AGPAT3: variants seen among roughly 807,000 people sequenced by gnomAD.
AGPAT3 encodes the protein 1-acylglycerol-3-phosphate O-acyltransferase 3, also known as 1-acyl-sn-glycerol-3-phosphate acyltransferase gamma.
In AGPAT3, 5 loss-of-function variants were observed where a neutral mutation model predicts 47.3. The ratio of observed to expected loss-of-function variants is 0.11; its 90% CI spans 0.06 to 0.22. AGPAT3 has a LOEUF of 0.22. Ranked by LOEUF, AGPAT3 falls within the 10% of genes least tolerant of loss-of-function variation. The pLI is 1.00. For synonymous variants in AGPAT3, 212 were observed against 208.3 expected (o/e 1.02, Z -0.15); for missense variants, 315 against 493.0 (o/e 0.64, Z 3.42).
At chr21:43,967,713 G>A (rs920395454) in intron 3 of AGPAT3, 12 of 521,568 alleles carry the variant, frequency 2.3e-5, no homozygotes, top group Non-Finnish European at 4.1e-5. Context: ...TCTCCATGCA[G>A]AGTGGCGGTT....
chr21:43,886,324 GCTCACTGCAAC>G (rs1392264990), intron 1 of AGPAT3, among the ~76,000 whole-genome samples: 3 of 152,074 alleles, frequency 2.0e-5, no homozygotes, highest in Non-Finnish European at 4.4e-5. Flanking sequence ...CGTGGTCTCG[GCTCACTGCAAC>G]CTCTGCCTCC....
In AGPAT3 at chr21:43,904,773, C is replaced by G. The variant is rs144096655; in HGVS notation, c.-49+754C>G. On this transcript the variant is annotated intron_variant, in intron 2 of 9. Transcript: ENST00000291572. The stretch of plus-strand genomic sequence containing the variant: ...TGGCTGATGAGGCTGCAGGTCCCTT[C>G]TGGGTGGCCCTGGACCCTGTGTCCT... Among the ~76,000 whole-genome samples, 59 of 152,308 alleles carry G rather than the reference C, an allele frequency of 3.9e-4. 1 individual carries two copies. In the East Asian group the frequency reaches 0.011, roughly 28 times the overall value.
At position 43,922,150 on chromosome 21, in the gene AGPAT3, G is replaced by A. The variant is rs1025581220; in HGVS notation, c.-49+18131G>A. 1.3e-5 allele frequency among the ~76,000 whole-genome samples: 2 copies of A among 152,200 alleles called. No homozygotes were observed. Among genetic ancestry groups the A allele is most frequent in the Admixed American group, 1.3e-4 (2 of 15,282 alleles). ...GGGGACGGGGATGAGTCACCCGGGG[G>A]CCTTGGTGCATGTGGAGGCCCAGGC... On this transcript the variant is annotated intron_variant, in intron 2 of 9. Transcript: ENST00000291572. The surrounding 1 kb of genome is among the most constrained non-coding windows in gnomAD (Gnocchi z 4.9).
At chr21:43,905,442 C>T (rs2086470739) in intron 2 of AGPAT3, among the ~76,000 whole-genome samples, 1 of 152,098 alleles carries the variant, frequency 6.6e-6, no homozygotes, top group South Asian at 2.1e-4. Context: ...CCTGCCTCGG[C>T]CTCCCAAAGT....
At chr21:43,960,663 G>A in intron 3 of AGPAT3, 2 of 833,070 alleles carry the variant, frequency 2.4e-6, no homozygotes, top group Non-Finnish European at 2.9e-6. Flanking sequence ...CCAAGCACCT[G>A]TCACTGGAGA....
In AGPAT3 at chr21:43,974,623, GTGTT is replaced by G. The variant is rs375682933; in HGVS notation, c.767+3136_767+3139del. On this transcript the variant is annotated intron_variant, in intron 7 of 9. Coordinates refer to ENST00000291572, the MANE Select transcript of AGPAT3 (RefSeq NM_020132.5). ...TGTGTGGTGTGTGTGTATAAATTAT[GTGTT>G]TGATATGTGTGGTGTGGTGTGTATA... 1.3e-3 allele frequency among the ~76,000 whole-genome samples: 193 copies of G among 151,598 alleles called. 7 individuals are homozygous for G. The South Asian group carries it at 0.038, about 30-fold the overall frequency.
chr21:43,970,868 T>TA lies in AGPAT3; in HGVS notation c.664+76dup, dbSNP rs112823395. 0.18 allele frequency: 194,746 copies of TA among 1,101,118 alleles called. 3,146 individuals carry two copies. The highest frequency in any genetic ancestry group is 0.32 in the African/African-American group (19,424 of 60,728). The allele number at this position is 1,101,118 out of a possible 1,614,324, so 68.2% of individuals were successfully genotyped here. On this transcript the variant is annotated intron_variant, in intron 6 of 9. Transcript: ENST00000291572. The surrounding 1 kb of genome is among the most constrained non-coding windows in gnomAD (Gnocchi z 5.8). ...TGCTCACGGAAAATAGTGATTTCTT[T>TA]AAAAAAAAAAAAAATGAGTGCATTC...
At chr21:43,918,062 T>G (rs1371558773) in intron 2 of AGPAT3, among the ~76,000 whole-genome samples, 2 of 115,494 alleles carry the variant, frequency 1.7e-5, no homozygotes, top group African/African-American at 6.9e-5. Context: ...TTGTGGGTGT[T>G]GGGGTTGTGG....
At chr21:43,956,731 C>T (rs2088483746) in intron 2 of AGPAT3, among the ~76,000 whole-genome samples, 1 of 152,152 alleles carries the variant, frequency 6.6e-6, no homozygotes, top group African/African-American at 2.4e-5. Context: ...GAAGGTTTGA[C>T]CAGGGCCAGA....
intron 2 of AGPAT3, among the ~76,000 whole-genome samples, chr21:43,958,157 C>G (rs955710237): frequency 1.3e-5 from 2 of 152,152 alleles, no homozygotes; most frequent in African/African-American, 4.8e-5. Context: ...ATGCCTTCAC[C>G]ACAAGTTAAT....
intron 2 of AGPAT3, chr21:43,916,274 A>G (rs141369291): frequency 7.9e-5 from 12 of 152,172 alleles, no homozygotes; most frequent in African/African-American, 2.2e-4. Context: ...TGTTGTTTAT[A>G]TGTCTGACAG....
intron 2 of AGPAT3, among the ~76,000 whole-genome samples, chr21:43,958,441 G>T (rs571888476): frequency 6.6e-6 from 1 of 152,032 alleles, no homozygotes; most frequent in African/African-American, 2.4e-5. Flanking sequence ...GGTGTGTGTG[G>T]TTTGTGCTAC....
At chr21:43,935,967 A>G (rs2087431886) in intron 2 of AGPAT3, among the ~76,000 whole-genome samples, 2 of 152,344 alleles carry the variant, frequency 1.3e-5, no homozygotes, top group Non-Finnish European at 2.9e-5. Context: ...CGGAAGCCAG[A>G]GTGTAGAACA....
At chr21:43,967,716 T>C (rs2089198556) in intron 3 of AGPAT3, 1 of 519,392 alleles carries the variant, frequency 1.9e-6, no homozygotes, top group Non-Finnish European at 3.4e-6. Flanking sequence ...CCATGCAGAG[T>C]GGCGGTTCTC....
At chr21:43,959,026 GGTGT>G (rs1211161625) in intron 2 of AGPAT3, among the ~76,000 whole-genome samples, 1 of 121,490 alleles carries the variant, frequency 8.2e-6, no homozygotes, top group African/African-American at 3.4e-5. Flanking sequence ...TTTGCAGTGT[GGTGT>G]GTGTGGCATG....
intron 1 of AGPAT3, among the ~76,000 whole-genome samples, chr21:43,873,500 C>T (rs2085668140): frequency 6.6e-6 from 1 of 152,158 alleles, no homozygotes; most frequent in Non-Finnish European, 1.5e-5. Context: ...GCCTCAGCCT[C>T]CCGAGTAGCT....
At chr21:43,942,408 G>A (rs1181605653) in intron 2 of AGPAT3, among the ~76,000 whole-genome samples, 1 of 152,218 alleles carries the variant, frequency 6.6e-6, no homozygotes, top group African/African-American at 2.4e-5. Flanking sequence ...CCTTCACGAG[G>A]CGCTCCTGAA....
Position 43,964,594 on chromosome 21 carries a change from A to G in AGPAT3, c.179-3352A>G, listed in dbSNP as rs548633582. Among the ~76,000 whole-genome samples, 10 of 152,324 alleles carry G rather than the reference A, an allele frequency of 6.6e-5. No homozygotes were observed. In the East Asian group the frequency reaches 1.7e-3, roughly 26 times the overall value. Reference sequence around the variant, plus strand: ...GAAAAAGATAAAGAAAAAAAGGTAAATCTCTTTTGTTAATGCAAGAAAGTA... The same window carrying G: ...GAAAAAGATAAAGAAAAAAAGGTAAGTCTCTTTTGTTAATGCAAGAAAGTA... On this transcript the variant is annotated intron_variant, in intron 3 of 9. Coordinates refer to ENST00000291572, the MANE Select transcript of AGPAT3 (RefSeq NM_020132.5).
At chr21:43,873,080 G>A (rs1342466423) in intron 1 of AGPAT3, among the ~76,000 whole-genome samples, 5 of 152,244 alleles carry the variant, frequency 3.3e-5, no homozygotes, top group Admixed American at 3.3e-4. Context: ...CAGCGTGGCT[G>A]CTTTGGGAAT....
Sources: gnomAD v4.1 joint callset for allele counts (sites outside exome capture counted in the v4.1 genomes callset) on GRCh38, gnomAD v4.1.1 for gene constraint, Gnocchi (gnomAD v3.1) non-coding constraint, MANE v1.5 for transcripts, NCBI Gene and HGNC (gene_info 2026-07-23, HGNC 2026-07-21) for gene names.